MEGF11: variants seen among roughly 807,000 people sequenced by gnomAD.
MEGF11 encodes multiple EGF like domains 11, also known as multiple epidermal growth factor-like domains protein 11.
In MEGF11, 126 loss-of-function variants were observed where a neutral mutation model predicts 146.6. The observed-to-expected ratio is 0.86, with a 90% CI of 0.74 to 1.00. The LOEUF is 1.00. MEGF11 is among the 50% of genes least tolerant of loss of function. The pLI is 0.00. For synonymous variants in MEGF11, 532 were observed against 583.4 expected, an observed-to-expected ratio of 0.91 and a Z score of 1.27; for missense variants, 1,509 against 1,521.2, an observed-to-expected ratio of 0.99 and a Z score of 0.13.
At chr15:66,047,941 C>T (rs2084281592) in intron 5 of MEGF11, among the ~76,000 whole-genome samples, 1 of 133,376 alleles carries the variant, frequency 7.5e-6, no homozygotes, top group African/African-American at 2.8e-5. Context: ...CTCCATGGGC[C>T]CTGGGAGGAG....
chr15:65,933,370 AG>A (rs1461752332), intron 10 of MEGF11, among the ~76,000 whole-genome samples: 1 of 152,212 alleles, frequency 6.6e-6, no homozygotes, highest in African/African-American at 2.4e-5. Context: ...TTTCTCTCCC[AG>A]TGTCCTCATT....
chr15:66,047,633 A>G (rs998768397), intron 5 of MEGF11, among the ~76,000 whole-genome samples: 7 of 152,188 alleles, frequency 4.6e-5, no homozygotes, highest in Non-Finnish European at 7.3e-5. Flanking sequence ...ACTGTTTTTA[A>G]TCCCTTTTTC....
chr15:66,169,074 C>A (rs1356116812), intron 1 of MEGF11, among the ~76,000 whole-genome samples: 1 of 152,212 alleles, frequency 6.6e-6, no homozygotes, highest in African/African-American at 2.4e-5. Flanking sequence ...CATGTGCTCG[C>A]ATGTGGGGCT....
chr15:65,952,406 C>T (rs528912751), intron 10 of MEGF11, among the ~76,000 whole-genome samples: 152 of 152,326 alleles, frequency 1.0e-3, no homozygotes, highest in Non-Finnish European at 1.2e-3. Context: ...CCCTCATCCA[C>T]AATTCAGCTA....
At chr15:65,967,958 T>C (rs999803714) in intron 8 of MEGF11, among the ~76,000 whole-genome samples, 3 of 151,976 alleles carry the variant, frequency 2.0e-5, no homozygotes, top group Non-Finnish European at 4.4e-5. Context: ...ACCCTCACTT[T>C]AGAGTTAAGG....
chr15:66,143,638 G>A (rs1030191295), intron 1 of MEGF11, among the ~76,000 whole-genome samples: 7 of 152,194 alleles, frequency 4.6e-5, no homozygotes, highest in Non-Finnish European at 1.0e-4. Flanking sequence ...GAAAGCTTCC[G>A]GAAGTTGACT....
chr15:66,139,123 G>C (rs1254820055), intron 1 of MEGF11, among the ~76,000 whole-genome samples: 1 of 152,200 alleles, frequency 6.6e-6, no homozygotes, highest in African/African-American at 2.4e-5. Context: ...TTCTGGCCTA[G>C]GCTGTGTCTG....
At chr15:66,039,769 G>A (rs1299453108) in intron 5 of MEGF11, among the ~76,000 whole-genome samples, 1 of 149,244 alleles carries the variant, frequency 6.7e-6, no homozygotes, top group Non-Finnish European at 1.5e-5. Context: ...AGGCGGCGGT[G>A]GGGTGACGGT....
intron 5 of MEGF11, among the ~76,000 whole-genome samples, chr15:66,047,952 T>TG (rs1440444312): frequency 5.5e-5 from 1 of 18,242 alleles, no homozygotes; most frequent in East Asian, 4.9e-3. Flanking sequence ...CTGGGAGGAG[T>TG]GTTTTTTTTT....
intron 1 of MEGF11, among the ~76,000 whole-genome samples, chr15:66,141,121 C>T (rs1004245225): frequency 3.9e-5 from 6 of 152,078 alleles, no homozygotes; most frequent in Non-Finnish European, 8.8e-5. Context: ...ATTATGATCT[C>T]CTCTTGCAGG....
chr15:65,907,395 A>G (rs1269620777), intron 23 of MEGF11, among the ~76,000 whole-genome samples: 4 of 152,040 alleles, frequency 2.6e-5, no homozygotes, highest in East Asian at 1.9e-4. Flanking sequence ...TCCAGGTTCA[A>G]TCGATTCTCC....
Position 65,922,354 on chromosome 15 carries a change from T to A in MEGF11, c.1941A>T (p.Gly647=). The A allele has an allele frequency of 6.2e-7, 1 of 1,606,774 alleles. No homozygotes were observed. The highest frequency in any genetic ancestry group is 1.1e-5 in the South Asian group (1 of 88,926). The change falls in exon 15 of 26, where the codon GGA becomes GGT. Residue 647 remains glycine, a synonymous_variant. Coordinates refer to ENST00000395614, the MANE Select transcript of MEGF11 (RefSeq NM_001385028.1). The stretch of plus-strand genomic sequence containing the variant: ...AGACAGTACCTTGGTTGCAGAGAGC[T>A]CCAGAGAATCCTGGGAGGCACTCAC... ...GICECLPGFS[G]ALCNQVCAGG...
chr15:65,935,485 TGGAG>T (rs940682443), intron 10 of MEGF11, among the ~76,000 whole-genome samples: 1 of 152,104 alleles, frequency 6.6e-6, no homozygotes, highest in Non-Finnish European at 1.5e-5. Flanking sequence ...AGAATTGAAT[TGGAG>T]GGCACCCAGC....
intron 1 of MEGF11, among the ~76,000 whole-genome samples, chr15:66,240,165 G>T (rs2092180461): frequency 6.6e-6 from 1 of 152,332 alleles, no homozygotes; most frequent in Admixed American, 6.5e-5. Context: ...CCCAAAATCT[G>T]CTCTGCTGTG....
chr15:66,155,792 G>A (rs924891796), intron 1 of MEGF11, among the ~76,000 whole-genome samples: 1 of 152,164 alleles, frequency 6.6e-6, no homozygotes, highest in Non-Finnish European at 1.5e-5. Context: ...TGAAGGTGGA[G>A]CCCAAGTCTG....
intron 16 of MEGF11, among the ~76,000 whole-genome samples, chr15:65,917,246 T>C (rs551311424): frequency 6.6e-6 from 1 of 152,234 alleles, no homozygotes; most frequent in Non-Finnish European, 1.5e-5. Flanking sequence ...GGGGACTGAT[T>C]TGGAGCATGC....
intron 1 of MEGF11, among the ~76,000 whole-genome samples, chr15:66,230,917 C>T (rs752705903): frequency 2.0e-5 from 3 of 152,150 alleles, no homozygotes; most frequent in Admixed American, 6.5e-5. Context: ...TCTGTGTGGA[C>T]CCACAGAACC....
intron 5 of MEGF11, among the ~76,000 whole-genome samples, chr15:66,036,706 T>A (rs1304336724): frequency 2.0e-5 from 3 of 152,146 alleles, no homozygotes; most frequent in Non-Finnish European, 4.4e-5. Context: ...GGGAGGCAAA[T>A]TAATTCACCA....
intron 5 of MEGF11, among the ~76,000 whole-genome samples, chr15:66,062,284 C>G (rs1333910530): frequency 6.6e-6 from 1 of 152,208 alleles, no homozygotes; most frequent in South Asian, 2.1e-4. Flanking sequence ...TAGAATATGG[C>G]AAAGATGATG....
Sources: allele counts gnomAD v4.1 joint callset (sites outside exome capture counted in the v4.1 genomes callset), GRCh38; gene constraint gnomAD v4.1.1; transcripts MANE v1.5; gene names NCBI Gene and HGNC (gene_info 2026-07-23, HGNC 2026-07-21).